CSMD1: variants seen among roughly 807,000 people sequenced by gnomAD.
The protein encoded by CSMD1 is CUB and Sushi multiple domains 1.
A neutral mutation model predicts 417.5 loss-of-function variants in CSMD1; 213 were observed. That is an observed-to-expected ratio of 0.51 (90% CI 0.46 to 0.57). CSMD1 has a LOEUF of 0.57. Ranked by LOEUF, CSMD1 falls within the 20% of genes least tolerant of loss-of-function variation. CSMD1 has a pLI of 0.00. For synonymous variants in CSMD1, 2,862 were observed against 1,736.8 expected (o/e 1.65, Z -16.11); for missense variants, 6,923 against 4,529.7 (o/e 1.53, Z -15.17).
At chr8:4,691,369 C>G (rs569876079) in intron 1 of CSMD1, among the ~76,000 whole-genome samples, 30 of 152,288 alleles carry the variant, frequency 2.0e-4, no homozygotes, top group African/African-American at 6.7e-4. Context: ...GCCCACTCAC[C>G]TAGATAGACA....
At chr8:3,429,378 C>G (rs1407969372) in intron 12 of CSMD1, among the ~76,000 whole-genome samples, 1 of 152,046 alleles carries the variant, frequency 6.6e-6, no homozygotes, top group Non-Finnish European at 1.5e-5. Context: ...AAAAGTTAAA[C>G]ATGTAGTTAA....
intron 2 of CSMD1, among the ~76,000 whole-genome samples, chr8:4,452,948 T>G (rs937858640): frequency 2.0e-5 from 3 of 152,174 alleles, no homozygotes; most frequent in Non-Finnish European, 4.4e-5. Context: ...TAAATAGCGT[T>G]GATTTTTCAA....
chr8:4,050,769 G>A (rs1183911622), intron 3 of CSMD1, among the ~76,000 whole-genome samples: 1 of 152,106 alleles, frequency 6.6e-6, no homozygotes, highest in Non-Finnish European at 1.5e-5. Flanking sequence ...AATTGACCAA[G>A]TGTATAAAAT....
At chr8:3,888,748 C>A (rs1662429347) in intron 5 of CSMD1, among the ~76,000 whole-genome samples, 2 of 152,148 alleles carry the variant, frequency 1.3e-5, no homozygotes, top group Admixed American at 6.6e-5. Context: ...TCTGGGACAA[C>A]AAACCGACCT....
intron 2 of CSMD1, among the ~76,000 whole-genome samples, chr8:4,567,247 G>C (rs531584766): frequency 7.2e-5 from 11 of 152,174 alleles, no homozygotes; most frequent in South Asian, 6.2e-4. Flanking sequence ...GTGAATGAAT[G>C]GTTTCATTCA....
chr8:3,790,833 C>T (rs1385167695), intron 5 of CSMD1, among the ~76,000 whole-genome samples: 1 of 152,060 alleles, frequency 6.6e-6, no homozygotes, highest in East Asian at 1.9e-4. Context: ...ATGTCAGAGC[C>T]CTGAGTAACC....
At chr8:3,078,950 G>A (rs1432093575) in intron 49 of CSMD1, among the ~76,000 whole-genome samples, 3 of 151,266 alleles carry the variant, frequency 2.0e-5, no homozygotes, top group Non-Finnish European at 4.4e-5. Flanking sequence ...GCCAACATTT[G>A]CGTTTAGTCC....
At chr8:4,124,526 A>G (rs112479612) in intron 3 of CSMD1, among the ~76,000 whole-genome samples, 2 of 152,296 alleles carry the variant, frequency 1.3e-5, no homozygotes, top group African/African-American at 4.8e-5. Flanking sequence ...TCAAGTATCA[A>G]AGCCCTGAGA....
intron 5 of CSMD1, among the ~76,000 whole-genome samples, chr8:3,826,056 A>G (rs573521257): frequency 1.1e-4 from 16 of 152,300 alleles, no homozygotes; most frequent in South Asian, 4.1e-4. Context: ...GGAGGCCCAC[A>G]TAGACATCTT....
chr8:3,853,895 T>TATA, intron 5 of CSMD1, among the ~76,000 whole-genome samples: 1 of 145,690 alleles, frequency 6.9e-6, no homozygotes, highest in African/African-American at 2.5e-5. Context: ...TATATTATAC[T>TATA]TTAATATATT....
At chr8:3,165,009 T>C (rs1000496421) in intron 37 of CSMD1, among the ~76,000 whole-genome samples, 2 of 151,702 alleles carry the variant, frequency 1.3e-5, no homozygotes, top group African/African-American at 4.8e-5. Flanking sequence ...TATAATTAAT[T>C]TATAATTAAT....
chr8:3,940,028 G>C (rs1021682386), intron 5 of CSMD1, among the ~76,000 whole-genome samples: 1 of 151,972 alleles, frequency 6.6e-6, no homozygotes, highest in South Asian at 2.1e-4. Context: ...ATAAATCCAT[G>C]TTTTAAACAG....
At chr8:4,902,454 A>G (rs1804949251) in intron 1 of CSMD1, among the ~76,000 whole-genome samples, 1 of 151,406 alleles carries the variant, frequency 6.6e-6, no homozygotes, top group Non-Finnish European at 1.5e-5. Flanking sequence ...AAAGAAAGGA[A>G]ACTACTCTAT....
At chr8:3,792,935 T>C (rs1018330483) in intron 5 of CSMD1, among the ~76,000 whole-genome samples, 1 of 152,136 alleles carries the variant, frequency 6.6e-6, no homozygotes. Context: ...TCCTTTGGTA[T>C]TTTCAGATGC....
chr8:3,815,992 A>C (rs1013175782), intron 5 of CSMD1, among the ~76,000 whole-genome samples: 12 of 152,196 alleles, frequency 7.9e-5, no homozygotes, highest in African/African-American at 2.7e-4. Context: ...AAGCATTACA[A>C]CATCAAACTT....
intron 2 of CSMD1, among the ~76,000 whole-genome samples, chr8:4,515,144 G>C (rs1054661248): frequency 2.0e-5 from 3 of 152,102 alleles, no homozygotes. Context: ...GGTGTGGTGT[G>C]GCTGTTATTA....
chr8:3,738,005 A>C (rs967268881), intron 6 of CSMD1, among the ~76,000 whole-genome samples: 7 of 152,174 alleles, frequency 4.6e-5, no homozygotes, highest in African/African-American at 1.4e-4. Context: ...GTGACAAACT[A>C]ATGAAGTGAA....
At chr8:4,546,108 A>G (rs1397493417) in intron 2 of CSMD1, among the ~76,000 whole-genome samples, 1 of 152,158 alleles carries the variant, frequency 6.6e-6, no homozygotes, top group Non-Finnish European at 1.5e-5. Flanking sequence ...AAAGATTTCT[A>G]CTGAAACTTT....
chr8:4,223,762 A>T (rs1801184194), intron 3 of CSMD1, among the ~76,000 whole-genome samples: 1 of 152,236 alleles, frequency 6.6e-6, no homozygotes. Flanking sequence ...TTTCTAGCAA[A>T]GGTGACCTAG....
Sources: gnomAD v4.1 joint callset for allele counts (sites outside exome capture counted in the v4.1 genomes callset) on GRCh38, gnomAD v4.1.1 for gene constraint, MANE v1.5 for transcripts, NCBI Gene and HGNC (gene_info 2026-07-23, HGNC 2026-07-21) for gene names.